SV2C: variants seen among roughly 807,000 people sequenced by gnomAD.
SV2C encodes the protein synaptic vesicle glycoprotein 2C.
SV2C carries 49 observed loss-of-function variants against 79.7 expected under a neutral mutation model. The observed-to-expected ratio is 0.61, with a 90% CI of 0.49 to 0.78. The LOEUF (loss-of-function observed/expected upper bound fraction) is 0.78. Ranked by LOEUF, SV2C falls within the 30% of genes least tolerant of loss-of-function variation. The pLI is 0.00. For missense variants in SV2C, 833 were observed against 912.9 expected, an observed-to-expected ratio of 0.91 and a Z score of 1.13; for synonymous variants, 334 against 333.2, an observed-to-expected ratio of 1.00 and a Z score of -0.03.
chr5:76,256,171 A>C (rs1162638364), intron 4 of SV2C, among the ~76,000 whole-genome samples: 1 of 152,150 alleles, frequency 6.6e-6, no homozygotes, highest in African/African-American at 2.4e-5. Flanking sequence ...TCAGAGCTAG[A>C]GGGTGGGGCT....
At chr5:76,348,860 C>T (rs144118646) in intron 12 of SV2C, among the ~76,000 whole-genome samples, 188 of 152,192 alleles carry the variant, frequency 1.2e-3, no homozygotes, top group African/African-American at 4.1e-3. Flanking sequence ...ATTATCTGGG[C>T]GTGGTGGCAG....
chr5:75,865,888 A>G, the SV2C span, among the ~76,000 whole-genome samples: 1 of 152,190 alleles, frequency 6.6e-6, no homozygotes, highest in Non-Finnish European at 1.5e-5. Context: ...AACTGGCACA[A>G]TGGGCACATG....
chr5:76,295,642 A>T, intron 8 of SV2C, 136 bp from the exon 9 acceptor site: 1 of 751,518 alleles, frequency 1.3e-6, no homozygotes, highest in Non-Finnish European at 2.1e-6. Flanking sequence ...GGATTGCTGT[A>T]TGATGAATTA....
At chr5:75,935,206 T>C in the SV2C span, among the ~76,000 whole-genome samples, 1 of 152,208 alleles carries the variant, frequency 6.6e-6, no homozygotes, top group East Asian at 1.9e-4. Context: ...GCTTGCTCTA[T>C]GAATTATAAG....
chr5:76,144,842 G>GT (rs889762909), intron 2 of SV2C, among the ~76,000 whole-genome samples: 16 of 151,086 alleles, frequency 1.1e-4, no homozygotes, highest in African/African-American at 3.9e-4. Context: ...TTTGTTTTTT[G>GT]TTTTTTTAGC....
At chr5:76,069,597 G>T in the SV2C span, among the ~76,000 whole-genome samples, 1 of 152,116 alleles carries the variant, frequency 6.6e-6, no homozygotes, top group Non-Finnish European at 1.5e-5. Context: ...ACTCTCCCGG[G>T]AATCCCAGGC....
chr5:75,871,840 C>CAA, the SV2C span, among the ~76,000 whole-genome samples: 5 of 113,314 alleles, frequency 4.4e-5, no homozygotes, highest in African/African-American at 2.1e-4. Flanking sequence ...TATATACACA[C>CAA]ACACACACAC....
the SV2C span, among the ~76,000 whole-genome samples, chr5:75,997,492 A>G: frequency 6.6e-6 from 1 of 152,180 alleles, no homozygotes; most frequent in Non-Finnish European, 1.5e-5. Flanking sequence ...ACAAATTTAC[A>G]AGAAAAAAAC....
At chr5:75,875,943 G>A in the SV2C span, among the ~76,000 whole-genome samples, 1 of 150,820 alleles carries the variant, frequency 6.6e-6, no homozygotes, top group African/African-American at 2.4e-5. Context: ...TGATGAGGTT[G>A]CAGAGAAAAG....
intron 1 of SV2C, among the ~76,000 whole-genome samples, chr5:76,096,194 T>G (rs1340390083): frequency 6.6e-6 from 1 of 152,202 alleles, no homozygotes; most frequent in Non-Finnish European, 1.5e-5. Context: ...TATATTGCAC[T>G]GGTTAACTTC....
At chr5:75,904,384 CA>C in the SV2C span, among the ~76,000 whole-genome samples, 1 of 141,574 alleles carries the variant, frequency 7.1e-6, no homozygotes, top group Middle Eastern at 3.6e-3. Flanking sequence ...CAAAACAAAA[CA>C]AAACAAAACA....
At chr5:76,240,828 T>G (rs1394661336) in intron 4 of SV2C, among the ~76,000 whole-genome samples, 1 of 152,188 alleles carries the variant, frequency 6.6e-6, no homozygotes, top group African/African-American at 2.4e-5. Context: ...AAAAGTAATG[T>G]AAATATAAAA....
At chr5:76,347,481 G>A (rs920920909) in intron 12 of SV2C, among the ~76,000 whole-genome samples, 19 of 151,964 alleles carry the variant, frequency 1.3e-4, no homozygotes, top group African/African-American at 4.4e-4. Flanking sequence ...GTCTCTCTCT[G>A]TCGCCCAAGC....
At chr5:76,248,878 C>T (rs1746027641) in intron 4 of SV2C, among the ~76,000 whole-genome samples, 1 of 152,090 alleles carries the variant, frequency 6.6e-6, no homozygotes, top group Admixed American at 6.6e-5. Context: ...CTTGGTCTCC[C>T]AAAGTGCTGG....
chr5:76,299,948 G>A (rs1747923614), intron 10 of SV2C, among the ~76,000 whole-genome samples: 1 of 152,086 alleles, frequency 6.6e-6, no homozygotes, highest in South Asian at 2.1e-4. Context: ...GCTGACTCTT[G>A]TTCCTCAGTA....
intron 3 of SV2C, among the ~76,000 whole-genome samples, chr5:76,202,015 CAAAAAAAAAA>C (rs373279209): frequency 4.9e-5 from 4 of 82,154 alleles, no homozygotes; most frequent in Admixed American, 2.8e-4. Flanking sequence ...GACTCCATCT[CAAAAAAAAAA>C]AAAAAAAAAA....
intron 1 of SV2C, among the ~76,000 whole-genome samples, chr5:76,091,431 C>T (rs1056213792): frequency 1.3e-5 from 2 of 152,210 alleles, no homozygotes; most frequent in African/African-American, 2.4e-5. Context: ...AGCAACATCA[C>T]CACAGTGTTG....
chr5:75,924,045 G>A, the SV2C span, among the ~76,000 whole-genome samples: 5 of 152,054 alleles, frequency 3.3e-5, no homozygotes, highest in African/African-American at 1.2e-4. Context: ...AAGAAAATGT[G>A]GTATATATAC....
chr5:75,874,184 C>T, the SV2C span, among the ~76,000 whole-genome samples: 1 of 152,126 alleles, frequency 6.6e-6, no homozygotes. Flanking sequence ...AATTCAGCAG[C>T]CCATCAAAAA....
Sources: allele counts gnomAD v4.1 joint callset (sites outside exome capture counted in the v4.1 genomes callset), GRCh38; gene constraint gnomAD v4.1.1; transcripts MANE v1.5; gene names NCBI Gene and HGNC (gene_info 2026-07-23, HGNC 2026-07-21).